Variants in PHACTR2 observed in about 807,000 individuals in gnomAD.
PHACTR2 encodes phosphatase and actin regulator 2.
PHACTR2 carries 30 observed loss-of-function variants against 76.0 expected under a neutral mutation model. That is an observed-to-expected ratio of 0.39 (90% CI 0.30 to 0.54). The LOEUF is 0.54. Ranked by LOEUF, PHACTR2 falls within the 20% of genes least tolerant of loss-of-function variation. The pLI, the probability that PHACTR2 is intolerant of heterozygous loss-of-function variation, is 0.61. For synonymous variants in PHACTR2, 292 were observed against 292.5 expected (o/e 1.00, Z 0.02); for missense variants, 696 against 781.1 (o/e 0.89, Z 1.30).
At position 143,595,159 on chromosome 6, in the gene PHACTR2, A is replaced by G. The variant is rs1157908237; in HGVS notation, c.217+57952A>G. ...AGGTGTGACGCATTTGATGCAAAAT[A>G]TAGATGGACGAGGAATGATGTTGCT... On this transcript the variant is annotated intron_variant, in intron 1 of 11. Transcript: ENST00000367584. This position sits in a 1 kb window ranked among gnomAD's most constrained non-coding sequence, Gnocchi z 4.2. Among the ~76,000 whole-genome samples, 2 of 152,228 alleles carry G rather than the reference A, an allele frequency of 1.3e-5. No individual in the cohort carries two copies. Among genetic ancestry groups the G allele is most frequent in the Non-Finnish European group, 2.9e-5 (2 of 68,036 alleles).
In PHACTR2 at chr6:143,679,968, T is replaced by G. The variant is rs1156381937; in HGVS notation, c.46+1759T>G. 6.6e-6 allele frequency among the ~76,000 whole-genome samples: 1 copy of G among 152,154 alleles called. No individual in the cohort carries two copies. The highest frequency in any genetic ancestry group is 1.5e-5 in the Non-Finnish European group (1 of 68,012). The stretch of plus-strand genomic sequence containing the variant: ...GATTAAAAGTTTGTATGAATTGAAA[T>G]GACCAATCCATACATCATAAATACA... On this transcript the variant is annotated intron_variant, in intron 1 of 12. Transcript: ENST00000440869. This position sits in a 1 kb window ranked among gnomAD's most constrained non-coding sequence, Gnocchi z 4.6.
chr6:143,762,573 C>A (rs1475564370), intron 5 of PHACTR2, among the ~76,000 whole-genome samples: 1 of 152,134 alleles, frequency 6.6e-6, no homozygotes, highest in African/African-American at 2.4e-5. Flanking sequence ...TACTGATAGT[C>A]CATTTGTAAC....
chr6:143,580,892 C>T lies in PHACTR2; in HGVS notation c.217+43685C>T, dbSNP rs1345593891. On this transcript the variant is annotated intron_variant, in intron 1 of 11. Coordinates refer to the PHACTR2 transcript ENST00000367584. This position sits in a 1 kb window ranked among gnomAD's most constrained non-coding sequence, Gnocchi z 4.2. ...GTGGAGGTAAACTGGGAGGTGGGTG[C>T]TAAAACTTCTAGGGTGGGAGAGAGA... 2.0e-5 allele frequency among the ~76,000 whole-genome samples: 3 copies of T among 151,970 alleles called. No individual in the cohort carries two copies. Among genetic ancestry groups the T allele is most frequent in the Non-Finnish European group, 4.4e-5 (3 of 67,978 alleles).
Position 143,733,070 on chromosome 6 carries a change from A to AT in PHACTR2, c.215-15907dup, listed in dbSNP as rs939823548. On this transcript the variant is annotated intron_variant, in intron 2 of 12. Transcript: ENST00000440869. The surrounding 1 kb of genome is among the most constrained non-coding windows in gnomAD (Gnocchi z 4.0). ...ACACCCAACTTAATTTTAAAAAAAA[A>AT]TTTTTTTTCATAGAGATGGAGGCTT... Among the ~76,000 whole-genome samples, 23 of 151,750 alleles carry AT rather than the reference A, an allele frequency of 1.5e-4. No homozygotes were observed. Among genetic ancestry groups the AT allele is most frequent in the Non-Finnish European group, 2.9e-4 (20 of 67,926 alleles).
chr6:143,726,818 T>C (rs983731722), intron 2 of PHACTR2, among the ~76,000 whole-genome samples: 2 of 152,190 alleles, frequency 1.3e-5, no homozygotes, highest in Non-Finnish European at 2.9e-5. Flanking sequence ...ACTTTTTTAT[T>C]GATACATAAT....
At chr6:143,790,433 G>A (rs1436618352) in intron 11 of PHACTR2, among the ~76,000 whole-genome samples, 2 of 152,134 alleles carry the variant, frequency 1.3e-5, no homozygotes, top group East Asian at 3.9e-4. Flanking sequence ...GCAGACCCTT[G>A]AGGACGGAGG....
rs1224717373 is a variant in PHACTR2, at chr6:143,658,473, A to T, written c.13+50151A>T. Among the ~76,000 whole-genome samples, 1 of 152,170 alleles carries T rather than the reference A, an allele frequency of 6.6e-6. No homozygotes were observed. The highest frequency in any genetic ancestry group is 6.5e-5 in the Admixed American group (1 of 15,268). On this transcript the variant is annotated intron_variant, in intron 1 of 11. Transcript: ENST00000305766. This position sits in a 1 kb window ranked among gnomAD's most constrained non-coding sequence, Gnocchi z 4.1. ...TGCTTAAAGACAGGGATACAATCTG[A>T]GGTGTGTTGTTAAGTGATTTTGTCA...
At position 143,578,001 on chromosome 6, in the gene PHACTR2, T is replaced by C. The variant is rs1279657434; in HGVS notation, c.217+40794T>C. ...TTTTTCTAGATTTGTCTAAATCTGG[T>C]CCAAGACACTCTATCCCCCGTTCGT... On this transcript the variant is annotated intron_variant, in intron 1 of 11. Coordinates refer to the PHACTR2 transcript ENST00000367584. This position sits in a 1 kb window ranked among gnomAD's most constrained non-coding sequence, Gnocchi z 4.5. Among the ~76,000 whole-genome samples the C allele has an allele frequency of 6.6e-6, 1 of 152,178 alleles. No homozygotes were observed. The highest frequency in any genetic ancestry group is 1.5e-5 in the Non-Finnish European group (1 of 68,040).
At chr6:143,565,642 G>GGCATGGA (rs1775353759) in intron 1 of PHACTR2, among the ~76,000 whole-genome samples, 1 of 151,676 alleles carries the variant, frequency 6.6e-6, no homozygotes, top group Non-Finnish European at 1.5e-5. Context: ...AAAAATGGTG[G>GGCATGGA]GCATGGAGCA....
chr6:143,642,186 C>T (rs919064042), intron 1 of PHACTR2, among the ~76,000 whole-genome samples: 17 of 152,098 alleles, frequency 1.1e-4, no homozygotes, highest in Admixed American at 9.2e-4. Flanking sequence ...AATCAATGTC[C>T]TATTATTATT....
chr6:143,712,380 CT>C (rs1306355862), intron 2 of PHACTR2, 197 bp downstream of exon 2: 4 of 297,196 alleles, frequency 1.3e-5, no homozygotes, highest in African/African-American at 8.7e-5. Context: ...CTGACCTTGA[CT>C]TTCTAATATA....
intron 6 of PHACTR2, among the ~76,000 whole-genome samples, chr6:143,770,925 CT>C (rs72471881): frequency 0.46 from 54,770 of 118,720 alleles, 11,131 homozygotes; most frequent in Admixed American, 0.5. Flanking sequence ...TTCTTTCTTT[CT>C]TTTTTTTTTT....
chr6:143,544,472 A>G (rs1012674567), intron 1 of PHACTR2, among the ~76,000 whole-genome samples: 1 of 148,582 alleles, frequency 6.7e-6, no homozygotes. Flanking sequence ...TCCCTATGCT[A>G]GGTTTAAGTC....
At chr6:143,785,394 C>A (rs1775532187) in intron 10 of PHACTR2, among the ~76,000 whole-genome samples, 1 of 152,166 alleles carries the variant, frequency 6.6e-6, no homozygotes, top group Non-Finnish European at 1.5e-5. Flanking sequence ...TGGTCTTGGG[C>A]AGCTCCACCT....
rs1378711029 is a variant in PHACTR2 at position 143,731,284 on chromosome 6, T to C, written c.215-17701T>C. 6.6e-6 allele frequency among the ~76,000 whole-genome samples: 1 copy of C among 151,908 alleles called. No homozygotes were observed. Among genetic ancestry groups the C allele is most frequent in the Non-Finnish European group, 1.5e-5 (1 of 67,946 alleles). ...CCTTAGGATAAGTCCCACTGTGTTG[T>C]TTTGTTTTGTTTTGTTTTTTGAGAC... On this transcript the variant is annotated intron_variant, in intron 2 of 12. Transcript: ENST00000440869. This position sits in a 1 kb window ranked among gnomAD's most constrained non-coding sequence, Gnocchi z 4.9.
intron 11 of PHACTR2, among the ~76,000 whole-genome samples, chr6:143,798,441 T>C (rs1775876441): frequency 6.6e-6 from 1 of 152,208 alleles, no homozygotes; most frequent in Non-Finnish European, 1.5e-5. Context: ...TTATGTTGAA[T>C]AGGAGTGGTG....
chr6:143,570,140 T>C lies in PHACTR2; in HGVS notation c.217+32933T>C, dbSNP rs2128431477. On this transcript the variant is annotated intron_variant, in intron 1 of 11. Transcript: ENST00000367584. This position sits in a 1 kb window ranked among gnomAD's most constrained non-coding sequence, Gnocchi z 4.6. The stretch of plus-strand genomic sequence containing the variant: ...AGAGATTCTGTTTCCCTTAAGTGTG[T>C]TAGGCTCAAATCAGATTTAACCAAA... 6.6e-6 allele frequency among the ~76,000 whole-genome samples: 1 copy of C among 152,354 alleles called. No individual in the cohort carries two copies. Among genetic ancestry groups the C allele is most frequent in the Non-Finnish European group, 1.5e-5 (1 of 68,030 alleles).
rs1397568080 is a variant in PHACTR2 at position 143,541,073 on chromosome 6, A to G, written c.217+3866A>G. Reference sequence around the variant, plus strand: ...CCTGAGTAGCTGGTGTTATAGGCGCATGCCACTGCTCCCAGCCTTGGATTT... The same window carrying G: ...CCTGAGTAGCTGGTGTTATAGGCGCGTGCCACTGCTCCCAGCCTTGGATTT... On this transcript the variant is annotated intron_variant, in intron 1 of 11. Coordinates refer to the PHACTR2 transcript ENST00000367584. The surrounding 1 kb of genome is among the most constrained non-coding windows in gnomAD (Gnocchi z 5.3). 6.6e-6 allele frequency among the ~76,000 whole-genome samples: 1 copy of G among 152,244 alleles called. No individual in the cohort carries two copies. Among genetic ancestry groups the G allele is most frequent in the Non-Finnish European group, 1.5e-5 (1 of 68,044 alleles).
chr6:143,707,921 A>G (rs1343508988), intron 1 of PHACTR2, among the ~76,000 whole-genome samples: 1 of 152,126 alleles, frequency 6.6e-6, no homozygotes, highest in African/African-American at 2.4e-5. Flanking sequence ...AGGAAGAGAG[A>G]GAGGGAGGTG....
Sources: allele counts gnomAD v4.1 joint callset (sites outside exome capture counted in the v4.1 genomes callset), GRCh38; gene constraint gnomAD v4.1.1; non-coding constraint Gnocchi (gnomAD v3.1); transcripts MANE v1.5; gene names NCBI Gene and HGNC (gene_info 2026-07-23, HGNC 2026-07-21).